The following GMPS variants were observed in gnomAD, a reference collection of about 807,000 sequenced individuals.
The protein encoded by GMPS is guanosine monophosphate synthase, also known as GMP synthase [glutamine-hydrolyzing].
In GMPS, 15 loss-of-function variants were observed where a neutral mutation model predicts 77.9. That is an observed-to-expected ratio of 0.19 (90% confidence interval 0.13 to 0.30). The LOEUF is 0.30. Ranked by LOEUF, GMPS falls within the 10% of genes least tolerant of loss-of-function variation. The probability of loss-of-function intolerance (pLI) is 1.00; values close to 1 mark genes in which losing one functional copy is unlikely to be tolerated. For synonymous variants in GMPS, 224 were observed against 275.9 expected (o/e 0.81, Z 1.86); for missense variants, 590 against 838.8 (o/e 0.70, Z 3.66).
At chr3:155,908,251 G>T (rs990138203) in intron 5 of GMPS, among the ~76,000 whole-genome samples, 1 of 152,220 alleles carries the variant, frequency 6.6e-6, no homozygotes, top group African/African-American at 2.4e-5. Flanking sequence ...CCTGCCTACT[G>T]GGAGAACAGG....
At chr3:155,897,558 G>A (rs1395116777) in intron 2 of GMPS, among the ~76,000 whole-genome samples, 1 of 152,140 alleles carries the variant, frequency 6.6e-6, no homozygotes, top group African/African-American at 2.4e-5. Context: ...TAGGCTCTGA[G>A]AAGACCTGTA....
Position 155,914,996 on chromosome 3 carries a change from CT to C in GMPS, c.1038+427del, listed in dbSNP as rs571339492. On this transcript the variant is annotated intron_variant, in intron 8 of 15. Coordinates refer to ENST00000496455, the MANE Select transcript of GMPS (RefSeq NM_003875.3). ...TGTTGGCCAGGTTGGTCCGGATCTC[CT>C]GACCTCATGATCCGCCCGCCTCAGC... Among the ~76,000 whole-genome samples the C allele has an allele frequency of 1.5e-3, 233 of 151,952 alleles. 2 individuals are homozygous for C. Among genetic ancestry groups the C allele is most frequent in the African/African-American group, 5.2e-3 (214 of 41,478 alleles).
At chr3:155,926,214 T>G (rs1290734302) in intron 12 of GMPS, among the ~76,000 whole-genome samples, 2 of 152,152 alleles carry the variant, frequency 1.3e-5, no homozygotes, top group African/African-American at 4.8e-5. Flanking sequence ...GGTCTCCCTG[T>G]GTTGCTCAGG....
Position 155,925,078 on chromosome 3 carries a change from A to C in GMPS, c.1435-163A>C, listed in dbSNP as rs996554052. 3.9e-5 allele frequency among the ~76,000 whole-genome samples: 6 copies of C among 152,224 alleles called. No homozygotes were observed. The South Asian group carries it at 8.3e-4, about 21-fold the overall frequency. On this transcript the variant is annotated intron_variant, in intron 11 of 15. Coordinates refer to ENST00000496455, the MANE Select transcript of GMPS (RefSeq NM_003875.3). ...AGACTTCTTCATAGTCCTAGCCCTC[A>C]GGTGTGAATTTCTGGCATAGTGCAT...
At chr3:155,910,592 G>GAAAAAAAAAAAAAAAAAAAAAAA (rs1755014087) in intron 5 of GMPS, 100 bp from the exon 6 acceptor site, 2 of 379,450 alleles carry the variant, frequency 5.3e-6, no homozygotes. Context: ...AAAAAAAAAT[G>GAAAAAAAAAAAAAAAAAAAAAAA]AAACCATAGA....
At chr3:155,876,840 C>T (rs537714857) in intron 1 of GMPS, among the ~76,000 whole-genome samples, 1 of 152,124 alleles carries the variant, frequency 6.6e-6, no homozygotes, top group East Asian at 1.9e-4. Flanking sequence ...TCATTAATTA[C>T]CTGTGTTTTA....
intron 14 of GMPS, 61 bp from the exon 15 acceptor site, chr3:155,936,277 G>T: frequency 9.7e-7 from 1 of 1,030,904 alleles, no homozygotes; most frequent in South Asian, 1.3e-5. Flanking sequence ...GGATTTAATT[G>T]AACTGAGTTA....
chr3:155,873,787 A>G (rs1238617941), intron 1 of GMPS, among the ~76,000 whole-genome samples: 1 of 151,756 alleles, frequency 6.6e-6, no homozygotes, highest in Non-Finnish European at 1.5e-5. Flanking sequence ...GGCGCCCGCC[A>G]CCATGCCTAG....
At chr3:155,935,456 C>T (rs1300914791) in intron 14 of GMPS, among the ~76,000 whole-genome samples, 1 of 152,186 alleles carries the variant, frequency 6.6e-6, no homozygotes, top group Non-Finnish European at 1.5e-5. Context: ...CAGCCTTGGC[C>T]TCCCAGAGTG....
Position 155,941,984 on chromosome 3 carries a change from C to T in GMPS, c.*4292C>T, listed in dbSNP as rs1282998900. On this transcript the variant is annotated 3_prime_UTR_variant, in exon 16 of 16. Transcript: ENST00000496455. ...TAACCTTTTTGTCAGTGTTCCTCAA[C>T]ACTGGATGCGTATTATTACATAACC... The T allele has an allele frequency of 4.7e-6, 1 of 210,774 alleles. No individual in the cohort carries two copies. 13.1% of individuals were successfully genotyped at this position (210,774 alleles called of 1,614,324 possible). A position where few individuals can be genotyped will look rare whatever the true frequency, so the allele number is the denominator to read the frequency against.
chr3:155,895,316 A>G (rs1025915649), intron 2 of GMPS: 2 of 150,328 alleles, frequency 1.3e-5, no homozygotes, highest in Non-Finnish European at 3.0e-5. Flanking sequence ...TTTTTTTATT[A>G]TTTTTTTGAG....
chr3:155,891,517 C>CATTTCTAT (rs1175079926), intron 1 of GMPS, among the ~76,000 whole-genome samples: 2 of 151,726 alleles, frequency 1.3e-5, no homozygotes, highest in African/African-American at 4.8e-5. Flanking sequence ...CCAGAACCTT[C>CATTTCTAT]ATTTCTATGA....
chr3:155,921,479 T>G (rs1755315214), intron 10 of GMPS, among the ~76,000 whole-genome samples: 1 of 152,160 alleles, frequency 6.6e-6, no homozygotes, highest in Non-Finnish European at 1.5e-5. Context: ...TAAAAATATT[T>G]ACTGGATAAT....
intron 14 of GMPS, among the ~76,000 whole-genome samples, chr3:155,935,361 T>C (rs1435166140): frequency 6.6e-6 from 1 of 152,152 alleles, no homozygotes; most frequent in East Asian, 1.9e-4. Flanking sequence ...TTTTTGTATT[T>C]TTAGTAGAGA....
chr3:155,914,335 G>C, intron 7 of GMPS, 84 bp from the exon 8 acceptor site: 1 of 1,001,132 alleles, frequency 1.0e-6, no homozygotes, highest in Non-Finnish European at 1.4e-6. Flanking sequence ...GAAAGAAATA[G>C]CTTTTCTTTC....
At chr3:155,888,813 G>C (rs879279427) in intron 1 of GMPS, among the ~76,000 whole-genome samples, 1 of 152,002 alleles carries the variant, frequency 6.6e-6, no homozygotes, top group South Asian at 2.1e-4. Context: ...TCGAACTCCT[G>C]ACCTCAGATG....
At chr3:155,893,286 CAT>C (rs1457572442) in intron 1 of GMPS, among the ~76,000 whole-genome samples, 2 of 152,120 alleles carry the variant, frequency 1.3e-5, no homozygotes, top group African/African-American at 4.8e-5. Context: ...CACTATATTA[CAT>C]AGTCAATAAG....
chr3:155,874,296 G>T (rs1193579449), intron 1 of GMPS, among the ~76,000 whole-genome samples: 1 of 152,102 alleles, frequency 6.6e-6, no homozygotes, highest in Admixed American at 6.6e-5. Context: ...TCATTGAGAG[G>T]TTATGACTAG....
Position 155,911,184 on chromosome 3 carries a change from A to G in GMPS, c.791A>G (p.Gln264Arg). 1.2e-6 allele frequency: 2 copies of G among 1,612,874 alleles called. No individual in the cohort carries two copies. The highest frequency in any genetic ancestry group is 1.7e-6 in the Non-Finnish European group (2 of 1,178,908). The stretch of plus-strand genomic sequence containing the variant: ...CTAAATCGTGCTTTGAACCAAGAAC[A>G]AGTCATTGCTGTGCACATTGATAAT... ...ALLNRALNQEQVIAVHIDNGF... is the reference protein window; with the variant it reads ...ALLNRALNQERVIAVHIDNGF... The change falls in exon 7 of 16, where the codon CAA becomes CGA. Residue 264 changes from glutamine to arginine, a missense_variant. Physicochemically the swap from Gln to Arg is conservative, Grantham distance 43. This residue lies in a region of GMPS where 181 missense variants were observed against 186.8 expected (regional missense o/e 0.97). Transcript: ENST00000496455.
Sources: gnomAD v4.1 joint callset for allele counts (sites outside exome capture counted in the v4.1 genomes callset) on GRCh38, gnomAD v4.1.1 for gene constraint, gnomAD v4.1.1 regional missense constraint, MANE v1.5 for transcripts, NCBI Gene and HGNC (gene_info 2026-07-23, HGNC 2026-07-21) for gene names.